Variants in DEGS2 observed in about 807,000 individuals in gnomAD.
DEGS2 encodes the protein sphingolipid delta(4)-desaturase/C4-monooxygenase DES2.
A neutral mutation model predicts 23.8 loss-of-function variants in DEGS2; 19 were observed. The observed-to-expected ratio is 0.80, with a 90% CI of 0.56 to 1.17. DEGS2 has a LOEUF of 1.17. Ranked by LOEUF, DEGS2 falls within the 50% of genes most tolerant of loss-of-function variation. The pLI is 0.00. For missense variants in DEGS2, 390 were observed against 459.5 expected, an observed-to-expected ratio of 0.85 and a Z score of 1.38; for synonymous variants, 218 against 213.7, an observed-to-expected ratio of 1.02 and a Z score of -0.18.
At chr14:100,150,398 C>A (rs1439986705) in intron 1 of DEGS2, among the ~76,000 whole-genome samples, 1 of 147,176 alleles carries the variant, frequency 6.8e-6, no homozygotes, top group African/African-American at 2.5e-5. Flanking sequence ...CCCCCCCCCG[C>A]CCCGCCCCCA....
the DEGS2 span, among the ~76,000 whole-genome samples, chr14:100,164,723 G>A: frequency 6.6e-6 from 1 of 152,190 alleles, no homozygotes; most frequent in African/African-American, 2.4e-5. Flanking sequence ...CAGACCGAAA[G>A]GCTTAAGGGT....
intron 1 of DEGS2, among the ~76,000 whole-genome samples, chr14:100,158,086 CAAAAAAA>C (rs55666851): frequency 2.6e-4 from 25 of 97,984 alleles, no homozygotes; most frequent in Middle Eastern, 0.014. Flanking sequence ...GACTTCCTCT[CAAAAAAA>C]AAAAAAAAAA....
At chr14:100,163,778 G>A (rs557293490), upstream of DEGS2, among the ~76,000 whole-genome samples, 10 of 152,290 alleles carry the variant, frequency 6.6e-5, no homozygotes, top group Admixed American at 3.9e-4. Flanking sequence ...GAAGTGCAGT[G>A]GTGCAGTCTC....
intron 1 of DEGS2, among the ~76,000 whole-genome samples, chr14:100,155,354 C>T (rs900454298): frequency 1.3e-5 from 2 of 152,216 alleles, no homozygotes; most frequent in East Asian, 3.9e-4. Flanking sequence ...CCTCCCAGCC[C>T]TGGCCTAATG....
At chr14:100,166,674 C>G in the DEGS2 span, among the ~76,000 whole-genome samples, 3 of 152,030 alleles carry the variant, frequency 2.0e-5, no homozygotes, top group Non-Finnish European at 2.9e-5. Flanking sequence ...CTGCAGAGCC[C>G]TCGGAGGTCG....
chr14:100,165,140 C>G, the DEGS2 span, among the ~76,000 whole-genome samples: 1 of 152,150 alleles, frequency 6.6e-6, no homozygotes, highest in Admixed American at 6.5e-5. Flanking sequence ...CCTCACAGCC[C>G]ACAGCCCACT....
chr14:100,150,880 C>T (rs1889559373), intron 1 of DEGS2, among the ~76,000 whole-genome samples: 1 of 152,166 alleles, frequency 6.6e-6, no homozygotes, highest in Non-Finnish European at 1.5e-5. Context: ...CTACCAGCCC[C>T]TCACCCGGCC....
At chr14:100,163,040 G>A (rs764958723), upstream of DEGS2, among the ~76,000 whole-genome samples, 5 of 152,252 alleles carry the variant, frequency 3.3e-5, no homozygotes, top group Non-Finnish European at 7.3e-5. Context: ...ACCCAAGAAG[G>A]AGCAGAGCCT....
At chr14:100,155,135 C>A (rs1889637701) in intron 1 of DEGS2, among the ~76,000 whole-genome samples, 1 of 152,186 alleles carries the variant, frequency 6.6e-6, no homozygotes, top group South Asian at 2.1e-4. Flanking sequence ...CTCCAACATT[C>A]CACCTCTGCC....
intron 1 of DEGS2, among the ~76,000 whole-genome samples, chr14:100,151,657 A>T (rs994373599): frequency 6.6e-6 from 1 of 152,220 alleles, no homozygotes; most frequent in Non-Finnish European, 1.5e-5. Context: ...TTCTGAAAAC[A>T]GCAGCTGCTG....
chr14:100,155,464 C>A (rs1473404431), intron 1 of DEGS2: 1 of 152,290 alleles, frequency 6.6e-6, no homozygotes, highest in Non-Finnish European at 1.5e-5. Context: ...CACCCTGGGA[C>A]CTAGTTGGAT....
At chr14:100,159,658 G>A (rs1013146108), upstream of DEGS2, 6 of 1,049,368 alleles carry the variant, frequency 5.7e-6, no homozygotes, top group South Asian at 3.7e-5. Flanking sequence ...CGGCCGCGGC[G>A]CGGAACCAGC....
intron 1 of DEGS2, among the ~76,000 whole-genome samples, chr14:100,151,281 G>A (rs142180691): frequency 6.6e-6 from 1 of 152,378 alleles, no homozygotes; most frequent in African/African-American, 2.4e-5. Flanking sequence ...TCTGATCTAA[G>A]AGGAAAAGCT....
upstream of DEGS2, among the ~76,000 whole-genome samples, chr14:100,162,278 G>A (rs1173135205): frequency 3.3e-5 from 5 of 151,460 alleles, no homozygotes; most frequent in African/African-American, 9.7e-5. Context: ...CCCGGGAGGC[G>A]GAGCTTGCAG....
chr14:100,150,814 C>G (rs1889557959), intron 1 of DEGS2, among the ~76,000 whole-genome samples: 1 of 152,218 alleles, frequency 6.6e-6, no homozygotes, highest in Non-Finnish European at 1.5e-5. Context: ...AGGGGCCCCA[C>G]TGTGGACCAC....
chr14:100,152,421 C>T (rs931966492), intron 1 of DEGS2, among the ~76,000 whole-genome samples: 7 of 152,166 alleles, frequency 4.6e-5, no homozygotes, highest in Non-Finnish European at 1.0e-4. Flanking sequence ...AAGGTGTTTC[C>T]AGACTGGCAG....
upstream of DEGS2, among the ~76,000 whole-genome samples, chr14:100,162,959 A>C (rs1889766842): frequency 6.6e-6 from 1 of 152,232 alleles, no homozygotes; most frequent in African/African-American, 2.4e-5. Context: ...AGGAGCCAGC[A>C]AGGAGTCAGA....
At chr14:100,161,454 T>C (rs1426640827), upstream of DEGS2, among the ~76,000 whole-genome samples, 2 of 152,114 alleles carry the variant, frequency 1.3e-5, no homozygotes, top group Non-Finnish European at 2.9e-5. Context: ...GAAACCCAGC[T>C]TCACGGTGTT....
chr14:100,146,807 T>C lies in DEGS2; in HGVS notation c.926A>G (p.Tyr309Cys). The C allele has an allele frequency of 6.2e-7, 1 of 1,613,742 alleles. No individual in the cohort carries two copies. Among genetic ancestry groups the C allele is most frequent in the Non-Finnish European group, 8.5e-7 (1 of 1,179,904 alleles). The change falls in exon 3 of 3, where the codon TAT becomes TGT. Residue 309 changes from tyrosine (Y) to cysteine (C), a missense_variant. By Grantham distance (194) the Tyr-to-Cys change is radical. Transcript: ENST00000305631. Reference sequence around the variant, plus strand: ...CCTGTACACCCGCTTCACCCTGGCATAGGGCCCCAGGGAGTCCTCAAACAC... The same window carrying C: ...CCTGTACACCCGCTTCACCCTGGCACAGGGCCCCAGGGAGTCCTCAAACAC... ...DFVFEDSLGP[Y>C]ARVKRVYRLA...
Sources: gnomAD v4.1 joint callset for allele counts (sites outside exome capture counted in the v4.1 genomes callset) on GRCh38, gnomAD v4.1.1 for gene constraint, MANE v1.5 for transcripts, NCBI Gene and HGNC (gene_info 2026-07-23, HGNC 2026-07-21) for gene names.